MAN2A1: variants seen among roughly 807,000 people sequenced by gnomAD.
MAN2A1 encodes the protein mannosidase alpha class 2A member 1, also known as alpha-mannosidase 2.
A neutral mutation model predicts 142.6 loss-of-function variants in MAN2A1; 76 were observed. The ratio of observed to expected loss-of-function variants is 0.53; its 90% CI spans 0.44 to 0.65. The LOEUF is 0.65. Among genes scored for constraint, MAN2A1 ranks in the 30% least tolerant of loss-of-function variants. The pLI is 0.00. For missense variants in MAN2A1, 1,311 were observed against 1,365.1 expected, an observed-to-expected ratio of 0.96 and a Z score of 0.62; for synonymous variants, 559 against 473.2, an observed-to-expected ratio of 1.18 and a Z score of -2.35.
intron 1 of MAN2A1, among the ~76,000 whole-genome samples, chr5:109,696,774 C>T (rs1184553575): frequency 2.6e-5 from 4 of 152,146 alleles, no homozygotes; most frequent in Admixed American, 2.0e-4. Context: ...CAGTACATGT[C>T]GTTAGCACTT....
rs1364865831 is a variant in MAN2A1 at position 109,693,303 on chromosome 5, T to C, written c.135+2751T>C. ...TTTTTTTTTCACTGCTTCTAACTTA[T>C]TCTTAATAATACCAAACATAGCAAA... On this transcript the variant is annotated intron_variant, in intron 1 of 21. Transcript: ENST00000261483. Among the ~76,000 whole-genome samples, 5 of 152,142 alleles carry C rather than the reference T, an allele frequency of 3.3e-5. No homozygotes were observed. In the East Asian group the frequency reaches 9.6e-4, roughly 29 times the overall value.
intron 1 of MAN2A1, among the ~76,000 whole-genome samples, chr5:109,694,489 G>A (rs898329787): frequency 1.3e-5 from 2 of 152,128 alleles, no homozygotes; most frequent in Admixed American, 1.3e-4. Flanking sequence ...GACTACAGGT[G>A]TGTATGCCAC....
At position 109,746,873 on chromosome 5, in the gene MAN2A1, T is replaced by C. The variant is rs374747817; in HGVS notation, c.708-8456T>C. On this transcript the variant is annotated intron_variant, in intron 4 of 21. Coordinates refer to ENST00000261483, the MANE Select transcript of MAN2A1 (RefSeq NM_002372.4). Reference sequence around the variant, plus strand: ...CGTAGAATCATATAATTTTTGTCCTTTTCTGTCTGCCTTACTTCATTCAGC... The same window carrying C: ...CGTAGAATCATATAATTTTTGTCCTCTTCTGTCTGCCTTACTTCATTCAGC... Among the ~76,000 whole-genome samples, 14 of 152,318 alleles carry C rather than the reference T, an allele frequency of 9.2e-5. 1 individual carries two copies. The highest frequency in any genetic ancestry group is 2.6e-4 in the Admixed American group (4 of 15,296).
intron 12 of MAN2A1, among the ~76,000 whole-genome samples, chr5:109,814,413 A>G (rs1754399016): frequency 6.6e-6 from 1 of 152,186 alleles, no homozygotes; most frequent in Non-Finnish European, 1.5e-5. Context: ...TCCAAAGGAA[A>G]TATCTATATA....
chr5:109,814,894 C>G (rs1169015689), intron 12 of MAN2A1, among the ~76,000 whole-genome samples: 2 of 152,024 alleles, frequency 1.3e-5, no homozygotes, highest in African/African-American at 4.8e-5. Context: ...TAGTGGAGCA[C>G]CCAAAGAACA....
intron 12 of MAN2A1, among the ~76,000 whole-genome samples, chr5:109,811,530 T>G (rs993666683): frequency 6.6e-6 from 1 of 151,592 alleles, no homozygotes; most frequent in African/African-American, 2.4e-5. Context: ...ATTAATTTTC[T>G]GTTTTGATTG....
intron 3 of MAN2A1, among the ~76,000 whole-genome samples, chr5:109,722,101 C>T (rs555230760): frequency 7.2e-5 from 11 of 152,228 alleles, no homozygotes; most frequent in South Asian, 2.1e-4. Flanking sequence ...TAACATATTG[C>T]GTTTTTTGGA....
chr5:109,701,487 C>G (rs1272588066), intron 1 of MAN2A1, among the ~76,000 whole-genome samples: 2 of 152,004 alleles, frequency 1.3e-5, no homozygotes, highest in Non-Finnish European at 2.9e-5. Context: ...GTGAATCACT[C>G]CAAGTTATTG....
At chr5:109,797,812 A>G (rs192169680) in intron 12 of MAN2A1, among the ~76,000 whole-genome samples, 2 of 152,300 alleles carry the variant, frequency 1.3e-5, no homozygotes, top group East Asian at 1.9e-4. Flanking sequence ...CAGAAAGACT[A>G]TATTGTATAA....
At chr5:109,805,540 C>T (rs892592984) in intron 12 of MAN2A1, among the ~76,000 whole-genome samples, 1 of 152,170 alleles carries the variant, frequency 6.6e-6, no homozygotes, top group Admixed American at 6.5e-5. Context: ...TGCCTTTGAG[C>T]TCTAGGCAGA....
intron 17 of MAN2A1, 52 bp from the exon 18 acceptor site, chr5:109,845,813 A>C: frequency 6.9e-7 from 1 of 1,455,338 alleles, no homozygotes; most frequent in Non-Finnish European, 9.2e-7. Context: ...AAGTTTTTAA[A>C]AGAACATATG....
intron 1 of MAN2A1, 24 bp downstream of exon 1, chr5:109,690,576 G>A (rs1750637443): frequency 6.4e-7 from 1 of 1,565,244 alleles, no homozygotes; most frequent in Non-Finnish European, 8.6e-7. Flanking sequence ...AAGGGGGCGC[G>A]GGGCTCCGAG....
At chr5:109,734,754 G>T (rs1038827518) in intron 4 of MAN2A1, among the ~76,000 whole-genome samples, 17 of 152,092 alleles carry the variant, frequency 1.1e-4, no homozygotes, top group African/African-American at 4.1e-4. Context: ...TATAATTTCT[G>T]TTCTTTTACG....
At chr5:109,700,784 C>T (rs564156317) in intron 1 of MAN2A1, among the ~76,000 whole-genome samples, 13 of 152,272 alleles carry the variant, frequency 8.5e-5, no homozygotes, top group Admixed American at 5.9e-4. Context: ...TCACAGGATA[C>T]CTGGGACATG....
At chr5:109,837,874 G>A (rs531841000) in intron 16 of MAN2A1, among the ~76,000 whole-genome samples, 51 of 152,220 alleles carry the variant, frequency 3.4e-4, no homozygotes, top group African/African-American at 1.2e-3. Flanking sequence ...CCATAGCCCA[G>A]TTTACTTTCC....
chr5:109,713,792 T>TAATA lies in MAN2A1; in HGVS notation c.390+20_390+23dup. 6.3e-7 allele frequency: 1 copy of TAATA among 1,576,082 alleles called. No individual in the cohort carries two copies. The highest frequency in any genetic ancestry group is 1.9e-5 in the Admixed American group (1 of 53,612). On this transcript the variant is annotated intron_variant, in intron 2 of 21. Transcript: ENST00000261483. ...ATGTGCAGGTAATGTATACATTCGT[T>TAATA]AATAATCACTGGCCTTTTTTTTTTT... is the stretch of plus-strand genomic sequence containing the variant.
chr5:109,805,698 C>T (rs1021998524), intron 12 of MAN2A1, among the ~76,000 whole-genome samples: 13 of 152,096 alleles, frequency 8.5e-5, no homozygotes, highest in African/African-American at 1.4e-4. Context: ...CTATATTTGG[C>T]GGGTATTAAT....
At chr5:109,744,353 CAGTCAAGA>C (rs1252070679) in intron 4 of MAN2A1, among the ~76,000 whole-genome samples, 2 of 152,018 alleles carry the variant, frequency 1.3e-5, no homozygotes, top group Non-Finnish European at 2.9e-5. Context: ...TAGAACTAGC[CAGTCAAGA>C]AGTGGGTGTC....
In MAN2A1 at chr5:109,803,653, T is replaced by G. The variant is rs190680454; in HGVS notation, c.1944-13620T>G. Among the ~76,000 whole-genome samples, 18 of 152,198 alleles carry G rather than the reference T, an allele frequency of 1.2e-4. No individual in the cohort carries two copies. In the East Asian group the frequency reaches 3.3e-3, roughly 28 times the overall value. ...GTACCATGTATAATGGATAAAGGATTATAATAATTTCTAGTTAAGATATTT... is the reference window on the plus strand; with the variant it reads ...GTACCATGTATAATGGATAAAGGATGATAATAATTTCTAGTTAAGATATTT... On this transcript the variant is annotated intron_variant, in intron 12 of 21. Coordinates refer to ENST00000261483, the MANE Select transcript of MAN2A1 (RefSeq NM_002372.4).
Sources: gnomAD v4.1 joint callset for allele counts (sites outside exome capture counted in the v4.1 genomes callset) on GRCh38, gnomAD v4.1.1 for gene constraint, MANE v1.5 for transcripts, NCBI Gene and HGNC (gene_info 2026-07-23, HGNC 2026-07-21) for gene names.